MARS1: variants seen among roughly 807,000 people sequenced by gnomAD.
MARS1 encodes the protein methionyl-tRNA synthetase 1, also known as methionine--tRNA ligase, cytoplasmic.
MARS1 carries 80 observed loss-of-function variants against 119.5 expected under a neutral mutation model. The ratio of observed to expected loss-of-function variants is 0.67; its 90% CI spans 0.56 to 0.81. The LOEUF (loss-of-function observed/expected upper bound fraction) is 0.81, where lower values mean the gene tolerates loss of function less well. Ranked by LOEUF, MARS1 falls within the 30% of genes least tolerant of loss-of-function variation. The pLI is 0.00. For synonymous variants in MARS1, 418 were observed against 433.4 expected (o/e 0.96, Z 0.44); for missense variants, 945 against 1,116.5 (o/e 0.85, Z 2.19).
chr12:57,492,628 G>A (rs538937820), intron 7 of MARS1, among the ~76,000 whole-genome samples: 4 of 151,934 alleles, frequency 2.6e-5, no homozygotes, highest in South Asian at 4.1e-4. Context: ...CGGAGATTGC[G>A]CCAGTGTACT....
At position 57,515,344 on chromosome 12, in the gene MARS1, G is replaced by C. The variant is rs776585735; in HGVS notation, c.2391+8G>C. 1 of 1,610,788 alleles carries C rather than the reference G, an allele frequency of 6.2e-7. No individual in the cohort carries two copies. The highest frequency in any genetic ancestry group is 1.1e-5 in the South Asian group (1 of 90,994). ...GGACACCAGATTGGCACAGTAGGTG[G>C]AAGAGCCAGCCTCTCTTAAAATTGA... On this transcript the variant is annotated splice_region_variant and intron_variant, in intron 18 of 20. Coordinates refer to ENST00000262027, the MANE Select transcript of MARS1 (RefSeq NM_004990.4).
chr12:57,493,429 TATAATATATTAC>T (rs1279979849), intron 7 of MARS1, among the ~76,000 whole-genome samples: 2 of 4,090 alleles, frequency 4.9e-4, no homozygotes, highest in African/African-American at 5.5e-4. Context: ...ATATGATATG[TATAATATATTAC>T]ATAATATATA....
chr12:57,500,406 G>A lies in MARS1; in HGVS notation c.1177G>A (p.Ala393Thr), dbSNP rs141340466. The A allele has an allele frequency of 7.4e-5, 120 of 1,614,220 alleles. 1 individual carries two copies. The East Asian group carries it at 2.0e-3, about 28-fold the overall frequency. Residue 393 changes from alanine (A) to threonine (T), a missense_variant, in exon 10 of 21, where the codon GCT becomes ACT. Physicochemically the swap from Ala to Thr is moderately conservative, Grantham distance 58. Transcript: ENST00000262027. ...GGAGCAACTGCGATGTGAGCACTGT[G>A]CTCGCTTCCTGGCTGACCGCTTCGT... Reference protein sequence around the residue: ...TVEQLRCEHCARFLADRFVEG... With the variant: ...TVEQLRCEHCTRFLADRFVEG...
intron 7 of MARS1, among the ~76,000 whole-genome samples, chr12:57,492,232 TC>T (rs1876006239): frequency 7.0e-6 from 1 of 142,488 alleles, no homozygotes; most frequent in Non-Finnish European, 1.5e-5. Context: ...TGCGCCAAGA[TC>T]ATGCCACTGC....
chr12:57,488,761 A>T (rs1441896045), intron 1 of MARS1: 1 of 1,144,692 alleles, frequency 8.7e-7, no homozygotes, highest in Non-Finnish European at 1.3e-6. Context: ...TCTTGGCTGC[A>T]GCACTATCCC....
At chr12:57,514,591 G>GA in intron 15 of MARS1, 129 bp from the exon 16 acceptor site, 5 of 1,111,978 alleles carry the variant, frequency 4.5e-6, no homozygotes, top group Non-Finnish European at 6.8e-6. Context: ...AGGGAGCCAG[G>GA]AGTTACCTGT....
intron 7 of MARS1, among the ~76,000 whole-genome samples, chr12:57,493,327 T>C (rs1371281761): frequency 7.9e-5 from 8 of 101,782 alleles, no homozygotes; most frequent in Admixed American, 1.6e-4. Flanking sequence ...TAATATATTA[T>C]ATATAATATA....
rs1174127752 is a variant in MARS1, at chr12:57,492,176, A to G, written c.770+1532A>G. ...CACTTGTAGTCCCAGCTACTCGGGAAGGTGAGGCAGGAGAATCGCTTGAAC... is the reference window on the plus strand; with the variant it reads ...CACTTGTAGTCCCAGCTACTCGGGAGGGTGAGGCAGGAGAATCGCTTGAAC... On this transcript the variant is annotated intron_variant, in intron 7 of 20. Coordinates refer to ENST00000262027, the MANE Select transcript of MARS1 (RefSeq NM_004990.4). Among the ~76,000 whole-genome samples, 3 of 151,162 alleles carry G rather than the reference A, an allele frequency of 2.0e-5. No individual in the cohort carries two copies. The East Asian group carries it at 5.9e-4, about 30-fold the overall frequency.
intron 10 of MARS1, among the ~76,000 whole-genome samples, chr12:57,503,282 G>A (rs1453386699): frequency 3.4e-5 from 5 of 147,650 alleles, no homozygotes; most frequent in Non-Finnish European, 5.9e-5. Flanking sequence ...TGCCCGGGCT[G>A]GAGTGCAATG....
At chr12:57,516,094 C>G in intron 19 of MARS1, 103 bp downstream of exon 19, 2 of 1,393,216 alleles carry the variant, frequency 1.4e-6, no homozygotes, top group Non-Finnish European at 2.0e-6. Flanking sequence ...ATCTTTTGGC[C>G]CTGCCGCTTC....
chr12:57,499,885 CGAGACT>C (rs1225411986), intron 9 of MARS1, among the ~76,000 whole-genome samples: 4 of 152,026 alleles, frequency 2.6e-5, no homozygotes, highest in Non-Finnish European at 5.9e-5. Flanking sequence ...GGCGACAGAG[CGAGACT>C]CTGTCTCAAA....
chr12:57,513,110 G>T (rs544699163), intron 15 of MARS1, 146 bp downstream of exon 15: 2 of 679,950 alleles, frequency 2.9e-6, no homozygotes, highest in Non-Finnish European at 5.2e-6. Context: ...ATTGGGATCT[G>T]TTCCTAGCAC....
In MARS1 at chr12:57,493,170, T is replaced by G. The variant is rs181548645; in HGVS notation, c.770+2526T>G. The stretch of plus-strand genomic sequence containing the variant: ...TTTCTTCACTAATTTGTAAGCTCAT[T>G]GAAGGTAGAGGTGTCTCTTTTATGG... On this transcript the variant is annotated intron_variant, in intron 7 of 20. Coordinates refer to ENST00000262027, the MANE Select transcript of MARS1 (RefSeq NM_004990.4). Among the ~76,000 whole-genome samples the G allele has an allele frequency of 2.8e-3, 424 of 149,344 alleles. 1 individual carries two copies. Among genetic ancestry groups the G allele is most frequent in the African/African-American group, 9.3e-3 (374 of 40,324 alleles).
intron 7 of MARS1, among the ~76,000 whole-genome samples, chr12:57,495,872 C>G (rs1008535633): frequency 1.3e-5 from 2 of 152,188 alleles, no homozygotes. Context: ...TGGCGGCGCG[C>G]GCCTGCAATC....
rs767688740 is a variant in MARS1, at chr12:57,500,339, C to T, written c.1110C>T (p.Phe370=). 4.3e-6 allele frequency: 7 copies of T among 1,614,158 alleles called. No individual in the cohort carries two copies. The South Asian group carries it at 5.5e-5, about 13-fold the overall frequency. ...PQQTKITQDI[F]QQLLKRGFVL... ...TCACCAGAATCACCCAGGACATTTT[C>T]CAGCAGTTGCTGAAACGAGGTTTTG... Residue 370 remains phenylalanine (F), a synonymous_variant, in exon 10 of 21, where the codon TTC becomes TTT. Coordinates refer to ENST00000262027, the MANE Select transcript of MARS1 (RefSeq NM_004990.4).
In MARS1 at chr12:57,511,708, G is replaced by A. The variant is rs750231101; in HGVS notation, c.1379G>A (p.Arg460Gln). 7 of 1,614,158 alleles carry A rather than the reference G, an allele frequency of 4.3e-6. No individual in the cohort carries two copies. The highest frequency in any genetic ancestry group is 2.7e-5 in the African/African-American group (2 of 75,026). ...TCTCCGTTATCTCAGCTGGAGAAGCGACTGGAGGAGTGGTTGGGGAGGACA... is the reference window on the plus strand; with the variant it reads ...TCTCCGTTATCTCAGCTGGAGAAGCAACTGGAGGAGTGGTTGGGGAGGACA... ...LFLDLPKLEK[R>Q]LEEWLGRTLP... Residue 460 changes from arginine (R) to glutamine (Q), a missense_variant, in exon 12 of 21, where the codon CGA becomes CAA. Transcript: ENST00000262027.
intron 11 of MARS1, among the ~76,000 whole-genome samples, chr12:57,507,748 C>T (rs1305210206): frequency 1.6e-5 from 2 of 127,892 alleles, no homozygotes; most frequent in East Asian, 2.5e-4. Flanking sequence ...GCTGGCCGGG[C>T]GGGGGCTGAC....
intron 11 of MARS1, among the ~76,000 whole-genome samples, chr12:57,510,061 G>T (rs1221754388): frequency 6.6e-6 from 1 of 152,126 alleles, no homozygotes; most frequent in Non-Finnish European, 1.5e-5. Flanking sequence ...ACCCAGGCTG[G>T]AGTGCAGTGG....
chr12:57,497,860 G>A (rs905244249), intron 7 of MARS1, among the ~76,000 whole-genome samples: 1 of 152,044 alleles, frequency 6.6e-6, no homozygotes, highest in Non-Finnish European at 1.5e-5. Context: ...CTGAGAATGA[G>A]GTAATAGAAA....
Sources: allele counts gnomAD v4.1 joint callset (sites outside exome capture counted in the v4.1 genomes callset), GRCh38; gene constraint gnomAD v4.1.1; transcripts MANE v1.5; gene names NCBI Gene and HGNC (gene_info 2026-07-23, HGNC 2026-07-21).